ASTN1: variants seen among roughly 807,000 people sequenced by gnomAD.
ASTN1 encodes the protein astrotactin 1.
ASTN1 carries 41 observed loss-of-function variants against 140.7 expected under a neutral mutation model. The observed-to-expected ratio is 0.29, with a 90% CI of 0.23 to 0.38. The LOEUF (loss-of-function observed/expected upper bound fraction) is 0.38. Among genes scored for constraint, ASTN1 ranks in the 10% least tolerant of loss-of-function variants. The pLI, the probability that ASTN1 is intolerant of heterozygous loss-of-function variation, is 1.00. For synonymous variants in ASTN1, 640 were observed against 652.2 expected (o/e 0.98, Z 0.29); for missense variants, 1,479 against 1,678.8 (o/e 0.88, Z 2.08).
At chr1:176,945,547 T>A (rs1228146908) in intron 13 of ASTN1, among the ~76,000 whole-genome samples, 1 of 152,200 alleles carries the variant, frequency 6.6e-6, no homozygotes, top group Non-Finnish European at 1.5e-5. Context: ...CTAAGAGGGT[T>A]CCTGGGACCC....
At position 176,944,022 on chromosome 1, in the gene ASTN1, G is replaced by A. The variant is rs1456067465; in HGVS notation, c.2250-4C>T. ...ACCACGAGCAAAGTTGTTTTGCCTA[G>A]AAAGAGGGTAGACCTTCATTTCTGA... On this transcript the variant is annotated splice_region_variant and splice_polypyrimidine_tract_variant and intron_variant, in intron 13 of 22. Coordinates refer to ENST00000361833, the MANE Select transcript of ASTN1 (RefSeq NM_004319.3). 4.3e-6 allele frequency: 7 copies of A among 1,613,260 alleles called. No individual in the cohort carries two copies. The highest frequency in any genetic ancestry group is 5.9e-6 in the Non-Finnish European group (7 of 1,179,762).
intron 5 of ASTN1, among the ~76,000 whole-genome samples, chr1:177,025,860 C>T (rs948064490): frequency 1.3e-5 from 2 of 152,152 alleles, no homozygotes; most frequent in East Asian, 1.9e-4. Context: ...TTTGATGTGG[C>T]TCGCATCATT....
chr1:176,919,149 C>T (rs997204183), intron 16 of ASTN1, among the ~76,000 whole-genome samples: 6 of 152,222 alleles, frequency 3.9e-5, no homozygotes, highest in Non-Finnish European at 8.8e-5. Flanking sequence ...GTCTCCTTCA[C>T]ACCTACTCTA....
intron 7 of ASTN1, among the ~76,000 whole-genome samples, chr1:177,018,717 G>A (rs1290109865): frequency 2.0e-5 from 3 of 152,126 alleles, no homozygotes. Flanking sequence ...CAGAATGAAG[G>A]CCAGGGAGAG....
intron 2 of ASTN1, among the ~76,000 whole-genome samples, chr1:177,054,656 A>C (rs527267296): frequency 2.6e-5 from 4 of 152,160 alleles, no homozygotes; most frequent in Admixed American, 6.5e-5. Context: ...TTCACTAAGG[A>C]GTTAGAATAA....
intron 1 of ASTN1, among the ~76,000 whole-genome samples, chr1:177,102,999 T>G (rs544900256): frequency 6.9e-4 from 105 of 152,352 alleles, no homozygotes; most frequent in African/African-American, 2.4e-3. Flanking sequence ...TGATCTTTTA[T>G]GCCTCAGTTT....
intron 8 of ASTN1, among the ~76,000 whole-genome samples, chr1:177,002,591 T>C (rs778917034): frequency 6.6e-6 from 1 of 152,160 alleles, no homozygotes; most frequent in Non-Finnish European, 1.5e-5. Context: ...CACGCATTCC[T>C]TTTGTAAAAA....
chr1:176,911,115 G>A (rs1179323542), intron 16 of ASTN1, among the ~76,000 whole-genome samples: 1 of 152,182 alleles, frequency 6.6e-6, no homozygotes, highest in Admixed American at 6.5e-5. Flanking sequence ...ACACATGTAA[G>A]TATTTGTATG....
intron 16 of ASTN1, among the ~76,000 whole-genome samples, chr1:176,904,699 C>T (rs1669912827): frequency 1.3e-5 from 2 of 152,116 alleles, no homozygotes; most frequent in Non-Finnish European, 2.9e-5. Context: ...AGTGTGCATC[C>T]CCAGACCACT....
intron 1 of ASTN1, among the ~76,000 whole-genome samples, chr1:177,066,368 A>G (rs1678354241): frequency 2.0e-5 from 3 of 152,224 alleles, no homozygotes; most frequent in Non-Finnish European, 2.9e-5. Context: ...TGGGCAGGGA[A>G]AGTCACAGCA....
intron 2 of ASTN1, among the ~76,000 whole-genome samples, chr1:177,040,446 C>T (rs1316608119): frequency 3.3e-5 from 5 of 152,292 alleles, no homozygotes; most frequent in South Asian, 2.1e-4. Flanking sequence ...ATCCCCTTCC[C>T]CCATGCCCCT....
rs533821624 is a variant in ASTN1, at chr1:176,959,335, G to T, written c.1599-853C>A. Among the ~76,000 whole-genome samples, 7 of 152,252 alleles carry T rather than the reference G, an allele frequency of 4.6e-5. No individual in the cohort carries two copies. The South Asian group carries it at 1.2e-3, about 27-fold the overall frequency. On this transcript the variant is annotated intron_variant, in intron 9 of 22. Transcript: ENST00000361833. ...CTGGCATCCCCTCCCCACTTAATGT[G>T]CAGGGAGGAACAATGGAAGGATGCT... is the stretch of plus-strand genomic sequence containing the variant.
chr1:176,936,208 T>A (rs1172402902), intron 15 of ASTN1, 58 bp downstream of exon 15: 1 of 1,494,280 alleles, frequency 6.7e-7, no homozygotes, highest in Non-Finnish European at 9.3e-7. Context: ...CTTCTCCCCT[T>A]GGAAAGGACT....
At chr1:177,031,318 C>T (rs1676432317) in intron 3 of ASTN1, among the ~76,000 whole-genome samples, 1 of 152,180 alleles carries the variant, frequency 6.6e-6, no homozygotes, top group African/African-American at 2.4e-5. Context: ...AATTTGTGTG[C>T]ATTCAGGCAG....
rs1257071525 is a variant in ASTN1 at position 177,120,262 on chromosome 1, T to A, written c.283+44132A>T. ...ACACTCACCTTAAAACATCCTCAAC[T>A]ACCCCAGTGGGTTTGAATCATTGGG... On this transcript the variant is annotated intron_variant, in intron 1 of 22. Coordinates refer to ENST00000361833, the MANE Select transcript of ASTN1 (RefSeq NM_004319.3). Among the ~76,000 whole-genome samples the A allele has an allele frequency of 3.9e-5, 6 of 152,190 alleles. No individual in the cohort carries two copies. The East Asian group carries it at 1.2e-3, about 29-fold the overall frequency.
chr1:177,019,266 G>A (rs1275711867), intron 7 of ASTN1, among the ~76,000 whole-genome samples: 2 of 152,174 alleles, frequency 1.3e-5, no homozygotes, highest in Non-Finnish European at 2.9e-5. Flanking sequence ...CTCCAATTAC[G>A]TAATCTAAGT....
intron 8 of ASTN1, among the ~76,000 whole-genome samples, chr1:176,991,888 A>C (rs1350395057): frequency 6.6e-6 from 1 of 152,164 alleles, no homozygotes; most frequent in Admixed American, 6.5e-5. Context: ...GAGGTTCTCA[A>C]ACTTCTTGGA....
chr1:176,902,549 C>T lies in ASTN1; in HGVS notation c.2672-7719G>A, dbSNP rs1303256976. On this transcript the variant is annotated intron_variant, in intron 16 of 22. Transcript: ENST00000361833. ...TTAAACTGAGGTTTTGGTGTAGATG[C>T]CGTGGTTTGCCTTTGCCAAAAGGTG... is the stretch of plus-strand genomic sequence containing the variant. 1.4e-4 allele frequency among the ~76,000 whole-genome samples: 20 copies of T among 147,006 alleles called. 1 individual carries two copies. Among genetic ancestry groups the T allele is most frequent in the Admixed American group, 1.3e-3 (20 of 14,898 alleles).
intron 5 of ASTN1, among the ~76,000 whole-genome samples, chr1:177,028,521 G>C (rs1013881005): frequency 6.6e-6 from 1 of 152,224 alleles, no homozygotes; most frequent in African/African-American, 2.4e-5. Context: ...GGGAATTCAA[G>C]TGGAGGTACG....
Sources: allele counts gnomAD v4.1 joint callset (sites outside exome capture counted in the v4.1 genomes callset), GRCh38; gene constraint gnomAD v4.1.1; transcripts MANE v1.5; gene names NCBI Gene and HGNC (gene_info 2026-07-23, HGNC 2026-07-21).